Variants in PPP6C observed in about 807,000 individuals in gnomAD.
PPP6C encodes protein phosphatase 6 catalytic subunit.
Under a neutral mutation model 39.8 loss-of-function variants are expected in PPP6C, and 11 were observed. That is an observed-to-expected ratio of 0.28 (90% CI 0.17 to 0.46). The LOEUF (loss-of-function observed/expected upper bound fraction) is 0.46. Ranked by LOEUF, PPP6C falls within the 20% of genes least tolerant of loss-of-function variation. PPP6C has a pLI of 1.00. For synonymous variants in PPP6C, 129 were observed against 130.3 expected (o/e 0.99, Z 0.07); for missense variants, 211 against 373.9 (o/e 0.56, Z 3.59).
At chr9:125,182,726 AG>A (rs747362778) in intron 1 of PPP6C, among the ~76,000 whole-genome samples, 1 of 148,744 alleles carries the variant, frequency 6.7e-6, no homozygotes, top group Non-Finnish European at 1.5e-5. Flanking sequence ...GTGGATGTTT[AG>A]CAAAATCTCC....
rs1829624598 is a variant in PPP6C, at chr9:125,189,731, AAGCCGCGGCAAC to A, written c.-25_-14del. The A allele has an allele frequency of 6.4e-7, 1 of 1,571,338 alleles. No individual in the cohort carries two copies. Among genetic ancestry groups the A allele is most frequent in the East Asian group, 2.4e-5 (1 of 41,658 alleles). ...CTAGCGGCGCCATTTTAAGAATAAC[AAGCCGCGGCAAC>A]AGCGGCGGCGGCGGCTGTAGCAGCG... is the stretch of plus-strand genomic sequence containing the variant. On this transcript the variant is annotated 5_prime_UTR_variant, in exon 1 of 7. Transcript: ENST00000373547.
chr9:125,169,373 G>C (rs1261644351), intron 2 of PPP6C, among the ~76,000 whole-genome samples: 1 of 152,190 alleles, frequency 6.6e-6, no homozygotes, highest in Non-Finnish European at 1.5e-5. Context: ...TAATACAAAA[G>C]TTCAATTTTA....
Position 125,149,539 on chromosome 9 carries a change from AT to A in PPP6C, c.*133del. 1.7e-5 allele frequency: 19 copies of A among 1,113,940 alleles called. No individual in the cohort carries two copies. The highest frequency in any genetic ancestry group is 5.4e-5 in the Admixed American group (2 of 37,188). 69.0% of individuals were successfully genotyped at this position (1,113,940 alleles called of 1,614,324 possible). On this transcript the variant is annotated 3_prime_UTR_variant, in exon 7 of 7. Transcript: ENST00000373547. The stretch of plus-strand genomic sequence containing the variant: ...AAACAATAAATTTAGATAATTTAAA[AT>A]TTAAAAAAAAAAAGGCAAGAGGCAG...
chr9:125,171,707 C>G (rs999569653), intron 1 of PPP6C, among the ~76,000 whole-genome samples: 2 of 151,520 alleles, frequency 1.3e-5, no homozygotes, highest in Non-Finnish European at 2.9e-5. Context: ...GCATGTGCCA[C>G]CACACCCGGC....
At chr9:125,158,706 G>C (rs1331450011) in intron 3 of PPP6C, among the ~76,000 whole-genome samples, 3 of 150,596 alleles carry the variant, frequency 2.0e-5, no homozygotes, top group Non-Finnish European at 4.4e-5. Flanking sequence ...CTGTCACCCA[G>C]GCTGGAGTGC....
chr9:125,189,536 C>T, intron 1 of PPP6C, 108 bp downstream of exon 1: 1 of 1,538,844 alleles, frequency 6.5e-7, no homozygotes, highest in Non-Finnish European at 8.7e-7. Flanking sequence ...ATGGGGGAGG[C>T]CCTCCACCGC....
Position 125,175,206 on chromosome 9 carries a change from C to CA in PPP6C, c.76-4027dup, listed in dbSNP as rs1400894743. ...TGGGTGACAGAGTGAGACTCTGTTT[C>CA]AAAAAAAAACAAAAACAAAAGCAAA... On this transcript the variant is annotated intron_variant, in intron 1 of 6. Transcript: ENST00000373547. Among the ~76,000 whole-genome samples, 116 of 147,864 alleles carry CA rather than the reference C, an allele frequency of 7.8e-4. 1 individual carries two copies. The highest frequency in any genetic ancestry group is 3.5e-3 in the Middle Eastern group (1 of 288).
intron 1 of PPP6C, among the ~76,000 whole-genome samples, chr9:125,176,529 T>G (rs1303229870): frequency 6.6e-6 from 1 of 152,134 alleles, no homozygotes; most frequent in African/African-American, 2.4e-5. Context: ...TGGTGGCATG[T>G]GCCTGAAGTC....
At chr9:125,188,119 C>T (rs532674938) in intron 1 of PPP6C, among the ~76,000 whole-genome samples, 3 of 152,238 alleles carry the variant, frequency 2.0e-5, no homozygotes, top group Admixed American at 6.5e-5. Context: ...GGCACGGTGG[C>T]TTACGCCTGT....
At chr9:125,167,050 A>G (rs1164575567) in intron 2 of PPP6C, among the ~76,000 whole-genome samples, 1 of 151,940 alleles carries the variant, frequency 6.6e-6, no homozygotes, top group African/African-American at 2.4e-5. Flanking sequence ...ACAGACTCAC[A>G]CCACCAAGCC....
chr9:125,175,595 A>G (rs1237301698), intron 1 of PPP6C, among the ~76,000 whole-genome samples: 5 of 150,296 alleles, frequency 3.3e-5, no homozygotes. Context: ...GTGAGCAGAG[A>G]TCGCACCACT....
intron 1 of PPP6C, among the ~76,000 whole-genome samples, chr9:125,173,625 TTTTA>T (rs768379605): frequency 3.3e-5 from 5 of 151,824 alleles, no homozygotes; most frequent in Non-Finnish European, 5.9e-5. Context: ...CCTTTTTTAA[TTTTA>T]TTTTTTTGAG....
At chr9:125,186,947 T>TTC (rs1228396650) in intron 1 of PPP6C, among the ~76,000 whole-genome samples, 34 of 137,092 alleles carry the variant, frequency 2.5e-4, no homozygotes, top group African/African-American at 9.5e-4. Flanking sequence ...TCTTTTTTTT[T>TTC]TTTTTTTTTT....
At chr9:125,171,696 G>C (rs1209308357) in intron 1 of PPP6C, among the ~76,000 whole-genome samples, 2 of 151,368 alleles carry the variant, frequency 1.3e-5, no homozygotes, top group African/African-American at 4.9e-5. Context: ...TGGGGTTACA[G>C]GCATGTGCCA....
intron 1 of PPP6C, 116 bp downstream of exon 1, chr9:125,189,528 G>C: frequency 6.6e-7 from 1 of 1,523,114 alleles, no homozygotes; most frequent in Non-Finnish European, 8.8e-7. Context: ...GACTGGCAAT[G>C]GGGGAGGCCC....
In PPP6C at chr9:125,183,429, C is replaced by T. The variant is rs537413095; in HGVS notation, c.75+6215G>A. 2.0e-5 allele frequency among the ~76,000 whole-genome samples: 3 copies of T among 152,254 alleles called. No individual in the cohort carries two copies. The South Asian group carries it at 6.2e-4, about 32-fold the overall frequency. On this transcript the variant is annotated intron_variant, in intron 1 of 6. Coordinates refer to ENST00000373547, the MANE Select transcript of PPP6C (RefSeq NM_002721.5). ...TTCCTACCACATACAACAGTGTATC[C>T]CTGTAATAATTTTCTTTGAATCTAC...
chr9:125,172,012 A>G (rs1829181958), intron 1 of PPP6C: 1 of 462,496 alleles, frequency 2.2e-6, no homozygotes, highest in Non-Finnish European at 4.4e-6. Context: ...CTAAAAACAA[A>G]TCAGATATCC....
chr9:125,166,940 C>G lies in PPP6C; in HGVS notation c.171+4145G>C, dbSNP rs1045286004. ...TTTTAGATGGGGTCTCACTCTGCTG[C>G]CCAGGCTGGAGTGCAGTGGCACAAT... On this transcript the variant is annotated intron_variant, in intron 2 of 6. Coordinates refer to ENST00000373547, the MANE Select transcript of PPP6C (RefSeq NM_002721.5). 9.2e-5 allele frequency among the ~76,000 whole-genome samples: 14 copies of G among 152,228 alleles called. No homozygotes were observed. The South Asian group carries it at 1.7e-3, about 18-fold the overall frequency.
rs954617659 is a variant in PPP6C, at chr9:125,148,749, C to A, written c.*924G>T. The A allele has an allele frequency of 1.6e-4, 25 of 152,144 alleles. No homozygotes were observed. The highest frequency in any genetic ancestry group is 1.0e-4 in the Non-Finnish European group (7 of 68,018). The allele number at this position is 152,144 out of a possible 1,614,324, so 9.4% of individuals were successfully genotyped here. A position where few individuals can be genotyped will look rare whatever the true frequency, so the allele number is the denominator to read the frequency against. ...TTCTACTCAACTGGTATCAAATTAA[C>A]ACATCAGCATTACAAGTATTAAATG... is the stretch of plus-strand genomic sequence containing the variant. On this transcript the variant is annotated 3_prime_UTR_variant, in exon 7 of 7. Transcript: ENST00000373547.
Sources: gnomAD v4.1 joint callset for allele counts (sites outside exome capture counted in the v4.1 genomes callset) on GRCh38, gnomAD v4.1.1 for gene constraint, MANE v1.5 for transcripts, NCBI Gene and HGNC (gene_info 2026-07-23, HGNC 2026-07-21) for gene names.